The following CHIC1 variants were observed in gnomAD, a reference collection of about 807,000 sequenced individuals.
The protein encoded by CHIC1 is cysteine rich hydrophobic domain 1.
In CHIC1, 7 loss-of-function variants were observed where a neutral mutation model predicts 18.5. The observed-to-expected ratio is 0.38, with a 90% CI of 0.22 to 0.71. The LOEUF (loss-of-function observed/expected upper bound fraction) is 0.71, where lower values mean the gene tolerates loss of function less well. Among genes scored for constraint, CHIC1 ranks in the 30% least tolerant of loss-of-function variants. The probability of loss-of-function intolerance (pLI) is 0.49; values close to 1 mark genes in which losing one functional copy is unlikely to be tolerated. For missense variants in CHIC1, 159 were observed against 176.9 expected (o/e 0.90, Z 0.57); for synonymous variants, 77 against 73.5 (o/e 1.05, Z -0.25).
At chrX:73,572,183 C>T (rs1440457406) in intron 1 of CHIC1, among the ~76,000 whole-genome samples, 1 of 111,095 alleles carries the variant, frequency 9.0e-6, no homozygotes, top group African/African-American at 3.3e-5. Context: ...TAATGTTTAG[C>T]TCCCACTTAT....
At chrX:73,603,162 A>G (rs1056261000) in intron 3 of CHIC1, among the ~76,000 whole-genome samples, 1 of 108,001 alleles carries the variant, frequency 9.3e-6, no homozygotes, top group Non-Finnish European at 1.9e-5. Context: ...ATGTTTTTCC[A>G]TTTGTTTTTG....
chrX:73,577,131 G>T (rs2057503204), intron 1 of CHIC1, among the ~76,000 whole-genome samples: 1 of 110,285 alleles, frequency 9.1e-6, no homozygotes, highest in Admixed American at 9.6e-5. Flanking sequence ...CTCAATATGT[G>T]TTTCTCTAAC....
intron 3 of CHIC1, among the ~76,000 whole-genome samples, chrX:73,670,289 A>G (rs913796885): frequency 1.8e-5 from 2 of 111,524 alleles, no homozygotes; most frequent in Non-Finnish European, 3.8e-5. Flanking sequence ...TGAAGGTGCT[A>G]TATTCACTCA....
At chrX:73,591,928 C>CA (rs1221234799) in intron 3 of CHIC1, among the ~76,000 whole-genome samples, 3 of 111,630 alleles carry the variant, frequency 2.7e-5, no homozygotes, top group Non-Finnish European at 5.7e-5. Context: ...GTCATGAGGT[C>CA]AAGTAGTATC....
chrX:73,678,027 C>G (rs185183859), intron 3 of CHIC1, among the ~76,000 whole-genome samples: 1 of 105,800 alleles, frequency 9.5e-6, no homozygotes, highest in African/African-American at 3.5e-5. Context: ...TTGATATCCA[C>G]ATCTGCTATA....
intron 3 of CHIC1, among the ~76,000 whole-genome samples, chrX:73,654,905 CTTTTA>C (rs1458730971): frequency 9.0e-6 from 1 of 110,935 alleles, no homozygotes; most frequent in Non-Finnish European, 1.9e-5. Flanking sequence ...TTGGCTTTTT[CTTTTA>C]TTTTAAGTTC....
chrX:73,574,757 G>T (rs1485536968), intron 1 of CHIC1, among the ~76,000 whole-genome samples: 2 of 110,462 alleles, frequency 1.8e-5, no homozygotes, highest in Admixed American at 9.6e-5. Flanking sequence ...ATTTATGTGG[G>T]ATAGGTTGTA....
At chrX:73,653,885 T>A (rs2057929870) in intron 3 of CHIC1, among the ~76,000 whole-genome samples, 1 of 112,695 alleles carries the variant, frequency 8.9e-6, no homozygotes, top group Non-Finnish European at 1.9e-5. Flanking sequence ...GATATGCTAC[T>A]GACATTCATG....
At chrX:73,677,781 A>T (rs1242030481) in intron 3 of CHIC1, among the ~76,000 whole-genome samples, 2 of 111,536 alleles carry the variant, frequency 1.8e-5, no homozygotes, top group Non-Finnish European at 3.8e-5. Context: ...AGTGAGATGA[A>T]CCCGGTACCT....
In CHIC1 at chrX:73,605,474, G is replaced by A. The variant is rs1170958342; in HGVS notation, c.507+20902G>A. Among the ~76,000 whole-genome samples, 10 of 107,846 alleles carry A rather than the reference G, an allele frequency of 9.3e-5. 1 individual carries two copies. Among genetic ancestry groups the A allele is most frequent in the African/African-American group, 2.9e-4 (8 of 27,641 alleles). The allele number at this position is 107,846 out of a possible 115,157, so 93.7% of individuals were successfully genotyped here. A position where few individuals can be genotyped will look rare whatever the true frequency, so the allele number is the denominator to read the frequency against. On this transcript the variant is annotated intron_variant, in intron 3 of 5. Transcript: ENST00000373502. Reference sequence around the variant, plus strand: ...TTGCCAGTCTGTGTCTTTTAATTGAGCCATTTAGCCCATTTACATTTAAGG... The same window carrying A: ...TTGCCAGTCTGTGTCTTTTAATTGAACCATTTAGCCCATTTACATTTAAGG...
chrX:73,585,925 G>A (rs185801025), intron 3 of CHIC1, among the ~76,000 whole-genome samples: 1 of 110,638 alleles, frequency 9.0e-6, no homozygotes, highest in African/African-American at 3.3e-5. Context: ...CATTACTTTG[G>A]ATAATTAAAA....
At chrX:73,577,088 G>A (rs757490090) in intron 1 of CHIC1, among the ~76,000 whole-genome samples, 4 of 110,046 alleles carry the variant, frequency 3.6e-5, no homozygotes, top group Admixed American at 9.7e-5. Flanking sequence ...AGGTTTTAAC[G>A]GAAACATCTC....
intron 3 of CHIC1, among the ~76,000 whole-genome samples, chrX:73,651,655 A>G (rs1304116160): frequency 9.0e-6 from 1 of 110,866 alleles, no homozygotes; most frequent in Non-Finnish European, 1.9e-5. Flanking sequence ...TAAAATACCT[A>G]AGGATACAGC....
chrX:73,680,824 T>C, intron 5 of CHIC1, 131 bp from the exon 6 acceptor site: 1 of 333,865 alleles, frequency 3.0e-6, no homozygotes, highest in Non-Finnish European at 5.1e-6. Context: ...TTTTCATGTA[T>C]TTCACTTACT....
chrX:73,586,731 T>A (rs977099415), intron 3 of CHIC1, among the ~76,000 whole-genome samples: 14 of 111,751 alleles, frequency 1.3e-4, no homozygotes, highest in Non-Finnish European at 9.4e-5. Context: ...GTTTTTGTTT[T>A]TGTCTTTAAT....
intron 3 of CHIC1, among the ~76,000 whole-genome samples, chrX:73,662,358 C>G (rs973260409): frequency 1.9e-5 from 2 of 106,988 alleles, no homozygotes; most frequent in African/African-American, 3.4e-5. Context: ...AAAACCTGTT[C>G]TAGAAAGCTC....
chrX:73,657,099 G>T (rs139794355), intron 3 of CHIC1, among the ~76,000 whole-genome samples: 1 of 96,349 alleles, frequency 1.0e-5, no homozygotes, highest in Non-Finnish European at 2.0e-5. Context: ...TTACTCCATC[G>T]CCCAGACTGG....
intron 3 of CHIC1, among the ~76,000 whole-genome samples, chrX:73,639,498 T>C (rs1205412350): frequency 8.9e-6 from 1 of 112,244 alleles, no homozygotes; most frequent in South Asian, 3.7e-4. Flanking sequence ...TCTTTGGCTA[T>C]GCAGAAGCAC....
chrX:73,679,448 A>G, intron 4 of CHIC1, 66 bp downstream of exon 4: 1 of 787,033 alleles, frequency 1.3e-6, no homozygotes, highest in East Asian at 3.2e-5. Flanking sequence ...AAAAATAAAT[A>G]CAAAATGGGA....
Sources: allele counts gnomAD v4.1 joint callset (sites outside exome capture counted in the v4.1 genomes callset), GRCh38; gene constraint gnomAD v4.1.1; transcripts MANE v1.5; gene names NCBI Gene and HGNC (gene_info 2026-07-23, HGNC 2026-07-21).